Variants in ZFHX3 observed in about 807,000 individuals in gnomAD.
ZFHX3 encodes zinc finger homeobox protein 3.
ZFHX3 carries 42 observed loss-of-function variants against 279.1 expected under a neutral mutation model. The ratio of observed to expected loss-of-function variants is 0.15; its 90% confidence interval spans 0.12 to 0.19. The LOEUF (loss-of-function observed/expected upper bound fraction) is 0.19. Among genes scored for constraint, ZFHX3 ranks in the 10% least tolerant of loss-of-function variants. ZFHX3 has a pLI of 1.00. For missense variants in ZFHX3, 4,981 were observed against 4,754.0 expected (o/e 1.05, Z -1.40); for synonymous variants, 2,293 against 1,957.8 (o/e 1.17, Z -4.52).
chr16:73,594,689 C>A (rs531059507), intron 2 of ZFHX3, among the ~76,000 whole-genome samples: 81 of 152,290 alleles, frequency 5.3e-4, no homozygotes, highest in African/African-American at 1.9e-3. Context: ...AGTACCTTTT[C>A]AATAAATGAT....
At chr16:73,462,916 G>A (rs1157413217) in intron 2 of ZFHX3, among the ~76,000 whole-genome samples, 4 of 152,182 alleles carry the variant, frequency 2.6e-5, no homozygotes, top group African/African-American at 9.7e-5. Context: ...TCAATATAGT[G>A]TTAACAACAT....
intron 2 of ZFHX3, among the ~76,000 whole-genome samples, chr16:73,541,942 T>C (rs2203671): frequency 0.26 from 39,098 of 151,342 alleles, 5,843 homozygotes; most frequent in African/African-American, 0.41. Flanking sequence ...GCTAGGACTA[T>C]AGGCACCTGC....
intron 1 of ZFHX3, among the ~76,000 whole-genome samples, chr16:73,714,853 C>T (rs979698928): frequency 1.1e-4 from 16 of 152,178 alleles, no homozygotes; most frequent in Non-Finnish European, 2.4e-4. Context: ...CATACCAGCT[C>T]CTCTCACATG....
In ZFHX3 at chr16:73,457,690, G is replaced by C. The variant is rs111887697; in HGVS notation, c.-1546-1432C>G. 7.9e-4 allele frequency among the ~76,000 whole-genome samples: 120 copies of C among 152,326 alleles called. 1 individual carries two copies. Among genetic ancestry groups the C allele is most frequent in the African/African-American group, 2.6e-3 (110 of 41,568 alleles). On this transcript the variant is annotated intron_variant, in intron 2 of 17. Transcript: ENST00000641206. ...CTGGGAAGGCTGAGGCATGAGAATCGCTTGAGCCTGGGAGGCGGAGGTTGC... is the reference window on the plus strand; with the variant it reads ...CTGGGAAGGCTGAGGCATGAGAATCCCTTGAGCCTGGGAGGCGGAGGTTGC...
intron 2 of ZFHX3, among the ~76,000 whole-genome samples, chr16:73,619,660 A>C (rs1374531609): frequency 1.3e-5 from 2 of 151,732 alleles, no homozygotes; most frequent in Non-Finnish European, 2.9e-5. Context: ...GTGTATTTCT[A>C]CCTTTTCTGG....
Position 72,787,698 on chromosome 16 carries a change from G to A in ZFHX3, c.10578C>T (p.Gly3526=), listed in dbSNP as rs778916289. The A allele has an allele frequency of 9.9e-6, 13 of 1,315,160 alleles. No homozygotes were observed. The highest frequency in any genetic ancestry group is 1.1e-5 in the Non-Finnish European group (11 of 1,005,258). The allele number at this position is 1,315,160 out of a possible 1,614,324, so 81.5% of individuals were successfully genotyped here. A position where few individuals can be genotyped will look rare whatever the true frequency, so the allele number is the denominator to read the frequency against. The change falls in exon 10 of 10, where the codon GGC becomes GGT. Residue 3526 remains glycine (G), a synonymous_variant. Coordinates refer to ENST00000268489, the MANE Select transcript of ZFHX3 (RefSeq NM_006885.4). ...GGGGGGGGGG[G]GSYHCLACES... ...CGCACGCCAGGCAGTGGTACGAGCC[G>A]CCGCCGCCGCCGCCGCCGCCACCGC...
intron 4 of ZFHX3, among the ~76,000 whole-genome samples, chr16:72,856,429 G>A (rs948925193): frequency 1.3e-5 from 2 of 152,216 alleles, no homozygotes; most frequent in African/African-American, 4.8e-5. Flanking sequence ...TCAAAGCACA[G>A]GCCAGGTGCA....
At chr16:73,423,955 T>C (rs2017765251) in intron 3 of ZFHX3, among the ~76,000 whole-genome samples, 1 of 151,762 alleles carries the variant, frequency 6.6e-6, no homozygotes, top group Admixed American at 6.6e-5. Context: ...TTAATTTCTG[T>C]GCCAATATTA....
intron 1 of ZFHX3, among the ~76,000 whole-genome samples, chr16:73,832,811 A>G (rs1214094199): frequency 4.6e-5 from 7 of 152,192 alleles, no homozygotes; most frequent in Non-Finnish European, 7.3e-5. Context: ...ACACACCTTG[A>G]AAATCTGTCA....
intron 8 of ZFHX3, among the ~76,000 whole-genome samples, chr16:73,070,883 T>C (rs922106964): frequency 2.7e-5 from 4 of 150,906 alleles, no homozygotes; most frequent in Non-Finnish European, 5.9e-5. Context: ...TTTGTTTTCT[T>C]TTCCCCTTGC....
intron 2 of ZFHX3, among the ~76,000 whole-genome samples, chr16:73,616,930 G>A (rs1017255809): frequency 6.6e-6 from 1 of 152,186 alleles, no homozygotes; most frequent in Admixed American, 6.5e-5. Flanking sequence ...CAGAGAGAAA[G>A]GTCAAGTCTG....
chr16:73,192,960 G>A (rs1968074900), intron 5 of ZFHX3, among the ~76,000 whole-genome samples: 1 of 151,664 alleles, frequency 6.6e-6, no homozygotes, highest in Admixed American at 6.5e-5. Context: ...TTCCCTGTCT[G>A]TGAAACTGGA....
chr16:73,295,813 A>G (rs554707743), intron 4 of ZFHX3, among the ~76,000 whole-genome samples: 1 of 152,294 alleles, frequency 6.6e-6, no homozygotes, highest in Admixed American at 6.5e-5. Flanking sequence ...GAGATGCATA[A>G]GCAAGAAGAA....
At chr16:73,414,665 C>T (rs1378124265) in intron 3 of ZFHX3, among the ~76,000 whole-genome samples, 1 of 152,098 alleles carries the variant, frequency 6.6e-6, no homozygotes, top group African/African-American at 2.4e-5. Context: ...GGGAGACCCC[C>T]ATCTCTACAA....
chr16:73,613,752 T>A (rs1466077274), intron 2 of ZFHX3, among the ~76,000 whole-genome samples: 1 of 152,190 alleles, frequency 6.6e-6, no homozygotes. Flanking sequence ...GGCATGGTGC[T>A]CAGGATTGGT....
At chr16:73,067,368 G>A (rs1965768887) in intron 8 of ZFHX3, among the ~76,000 whole-genome samples, 1 of 152,142 alleles carries the variant, frequency 6.6e-6, no homozygotes, top group South Asian at 2.1e-4. Flanking sequence ...AGTGGTGCGC[G>A]CTGCCACGGG....
intron 1 of ZFHX3, among the ~76,000 whole-genome samples, chr16:73,780,200 T>A (rs907561971): frequency 3.1e-5 from 4 of 129,134 alleles, no homozygotes; most frequent in Non-Finnish European, 6.3e-5. Context: ...GGGGTGCAGG[T>A]GCAGTGGTGC....
intron 3 of ZFHX3, among the ~76,000 whole-genome samples, chr16:72,932,253 G>A (rs551549650): frequency 2.1e-4 from 32 of 152,112 alleles, no homozygotes; most frequent in African/African-American, 3.6e-4. Context: ...AACCTCCCAG[G>A]TTATGTGGGA....
At chr16:73,684,438 C>G (rs750919901) in intron 1 of ZFHX3, among the ~76,000 whole-genome samples, 1 of 151,778 alleles carries the variant, frequency 6.6e-6, no homozygotes, top group Non-Finnish European at 1.5e-5. Flanking sequence ...AAGATGAAGT[C>G]CTGTACAATT....
Sources: gnomAD v4.1 joint callset for allele counts (sites outside exome capture counted in the v4.1 genomes callset) on GRCh38, gnomAD v4.1.1 for gene constraint, MANE v1.5 for transcripts, NCBI Gene and HGNC (gene_info 2026-07-23, HGNC 2026-07-21) for gene names.